The following CLPB variants were observed in gnomAD, a reference collection of about 807,000 sequenced individuals.
CLPB encodes the protein mitochondrial disaggregase.
A neutral mutation model predicts 78.4 loss-of-function variants in CLPB; 40 were observed. The observed-to-expected ratio is 0.51, with a 90% CI of 0.40 to 0.66. The LOEUF is 0.66. CLPB is among the 30% of genes least tolerant of loss of function. The probability of loss-of-function intolerance (pLI) is 0.00; values close to 1 mark genes in which losing one functional copy is unlikely to be tolerated. For missense variants in CLPB, 780 were observed against 886.9 expected (o/e 0.88, Z 1.53); for synonymous variants, 333 against 348.0 (o/e 0.96, Z 0.48).
chr11:72,381,430 C>A (rs971205131), intron 3 of CLPB, among the ~76,000 whole-genome samples: 2 of 152,044 alleles, frequency 1.3e-5, no homozygotes, highest in Non-Finnish European at 2.9e-5. Flanking sequence ...ACCTTAGCAG[C>A]CCGACTCTGG....
chr11:72,301,070 A>G (rs1275456802), intron 11 of CLPB, among the ~76,000 whole-genome samples: 1 of 152,230 alleles, frequency 6.6e-6, no homozygotes, highest in Non-Finnish European at 1.5e-5. Flanking sequence ...ATCTGTAAAA[A>G]ATGAGCTAAT....
At position 72,317,141 on chromosome 11, in the gene CLPB, A is replaced by T. The variant is rs1024052613; in HGVS notation, c.953T>A (p.Ile318Asn). 1 of 1,612,218 alleles carries T rather than the reference A, an allele frequency of 6.2e-7. No individual in the cohort carries two copies. The change falls in exon 7 of 16, where the codon ATT becomes AAT. Residue 318 changes from isoleucine (I) to asparagine (N), a missense_variant. Ile to Asn is a moderately radical substitution (Grantham distance 149). This residue lies in a region of CLPB where 417 missense variants were observed against 414.7 expected (regional missense o/e 1.01). Transcript: ENST00000538039. ...TGTGGCGATGGCGCTCTCCTGGCCA[A>T]TGATGTGCTCCTTTAGTCGCTGCTC... ...PLEQRLKEHI[I>N]GQESAIATVG...
At chr11:72,294,574 C>G in intron 13 of CLPB, 46 bp downstream of exon 13, 1 of 1,606,634 alleles carries the variant, frequency 6.2e-7, no homozygotes, top group African/African-American at 1.3e-5. Flanking sequence ...GATCACCCTC[C>G]CCCAACCTTA....
intron 15 of CLPB, 53 bp downstream of exon 15, chr11:72,293,969 G>T: frequency 2.0e-6 from 3 of 1,483,026 alleles, no homozygotes; most frequent in Non-Finnish European, 2.8e-6. Context: ...GGTCTGGGGG[G>T]CCCTGGGGAG....
At chr11:72,327,875 C>T (rs2135546795) in intron 6 of CLPB, among the ~76,000 whole-genome samples, 1 of 152,304 alleles carries the variant, frequency 6.6e-6, no homozygotes. Flanking sequence ...TCTTTCTGGT[C>T]ACAAGGGCCC....
chr11:72,429,579 G>C (rs1856484960), intron 2 of CLPB, among the ~76,000 whole-genome samples: 1 of 152,208 alleles, frequency 6.6e-6, no homozygotes, highest in Admixed American at 6.5e-5. Flanking sequence ...AGAGGCCAAG[G>C]TTAGGCCCAG....
intron 5 of CLPB, among the ~76,000 whole-genome samples, chr11:72,332,496 GAAAGGAAAGGAAAAAGGAAAGAAA>G (rs1475835521): frequency 6.6e-6 from 1 of 151,674 alleles, no homozygotes; most frequent in Non-Finnish European, 1.5e-5. Flanking sequence ...CTAAAAAATG[GAAAGGAAAGGAAAAAGGAAAGAAA>G]AAAGGAAAGG....
rs1949433594 is a variant in CLPB at position 72,290,040 on chromosome 11, C to T, written c.*3327G>A. The T allele has an allele frequency of 6.6e-6, 1 of 152,172 alleles. No homozygotes were observed. The highest frequency in any genetic ancestry group is 2.1e-4 in the South Asian group (1 of 4,830). The allele number at this position is 152,172 out of a possible 1,614,324, so 9.4% of individuals were successfully genotyped here. On this transcript the variant is annotated 3_prime_UTR_variant, in exon 16 of 16. Coordinates refer to ENST00000538039, the MANE Select transcript of CLPB (RefSeq NM_001258392.3). The stretch of plus-strand genomic sequence containing the variant: ...CTCTAGCCAGGAGTATATATTCTGT[C>T]CAGATCTTGGTTTCCAGTGGCATCA...
chr11:72,416,650 C>T (rs1057387661), intron 2 of CLPB, among the ~76,000 whole-genome samples: 3 of 149,866 alleles, frequency 2.0e-5, no homozygotes, highest in African/African-American at 4.9e-5. Flanking sequence ...GCAGAAGAAT[C>T]GCTTGAACCC....
chr11:72,427,123 C>T (rs1410962554), intron 2 of CLPB, among the ~76,000 whole-genome samples: 3 of 152,262 alleles, frequency 2.0e-5, no homozygotes, highest in African/African-American at 7.2e-5. Context: ...GGAGGACCCA[C>T]ATCCAGGGCC....
chr11:72,341,276 A>C (rs909023972), intron 5 of CLPB, among the ~76,000 whole-genome samples: 1 of 152,140 alleles, frequency 6.6e-6, no homozygotes, highest in African/African-American at 2.4e-5. Context: ...TACCTCCTTA[A>C]TAGACAGAAG....
chr11:72,416,565 G>A (rs947417394), intron 2 of CLPB, among the ~76,000 whole-genome samples: 5 of 151,548 alleles, frequency 3.3e-5, no homozygotes, highest in Admixed American at 6.6e-5. Flanking sequence ...GTGAAACCCC[G>A]TCTCTACCAA....
intron 3 of CLPB, among the ~76,000 whole-genome samples, chr11:72,399,406 T>G (rs1047619777): frequency 6.6e-6 from 1 of 152,236 alleles, no homozygotes; most frequent in Admixed American, 6.5e-5. Context: ...CCCTCTCCTG[T>G]GTATATTTAT....
At chr11:72,322,056 G>A (rs1379263365) in intron 6 of CLPB, among the ~76,000 whole-genome samples, 2 of 152,268 alleles carry the variant, frequency 1.3e-5, no homozygotes, top group Admixed American at 1.3e-4. Context: ...TCTAGGGGAT[G>A]CAGAGCAGAT....
chr11:72,399,130 C>G (rs1855492604), intron 3 of CLPB, among the ~76,000 whole-genome samples: 1 of 150,910 alleles, frequency 6.6e-6, no homozygotes, highest in Admixed American at 6.6e-5. Flanking sequence ...TTTGCCCTAT[C>G]AGGAAACTTC....
At chr11:72,407,963 C>T (rs1170992055) in intron 2 of CLPB, 1 of 656,182 alleles carries the variant, frequency 1.5e-6, no homozygotes, top group African/African-American at 1.8e-5. Context: ...ACCTACTATT[C>T]TAACATCCTA....
intron 3 of CLPB, among the ~76,000 whole-genome samples, chr11:72,388,252 T>TA (rs1327146574): frequency 7.1e-6 from 1 of 140,936 alleles, no homozygotes; most frequent in East Asian, 2.0e-4. Context: ...CCCTTCCCCT[T>TA]TTTTTTTTTT....
chr11:72,349,371 T>TG (rs1950572174), intron 5 of CLPB, among the ~76,000 whole-genome samples: 1 of 152,240 alleles, frequency 6.6e-6, no homozygotes, highest in Non-Finnish European at 1.5e-5. Context: ...TAAAAAATAC[T>TG]CATTTCCAAA....
At chr11:72,404,538 C>T (rs1565084732) in intron 2 of CLPB, among the ~76,000 whole-genome samples, 3 of 152,182 alleles carry the variant, frequency 2.0e-5, no homozygotes, top group Admixed American at 6.5e-5. Context: ...AAGGGGGAGA[C>T]AGAACAGAAC....
Sources: gnomAD v4.1 joint callset for allele counts (sites outside exome capture counted in the v4.1 genomes callset) on GRCh38, gnomAD v4.1.1 for gene constraint, gnomAD v4.1.1 regional missense constraint, MANE v1.5 for transcripts, NCBI Gene and HGNC (gene_info 2026-07-23, HGNC 2026-07-21) for gene names.